The following GMDS variants were observed in gnomAD, a reference collection of about 807,000 sequenced individuals.
The protein encoded by GMDS is GDP-mannose 4,6-dehydratase, also known as GDP-mannose 4,6 dehydratase.
A neutral mutation model predicts 49.9 loss-of-function variants in GMDS; 20 were observed. That is an observed-to-expected ratio of 0.40 (90% CI 0.28 to 0.58). The LOEUF is 0.58. GMDS is among the 20% of genes least tolerant of loss of function. GMDS has a pLI of 0.42. For missense variants in GMDS, 362 were observed against 481.4 expected (o/e 0.75, Z 2.32); for synonymous variants, 177 against 178.6 (o/e 0.99, Z 0.07).
intron 2 of GMDS, among the ~76,000 whole-genome samples, chr6:2,119,670 T>C (rs989329294): frequency 7.2e-5 from 11 of 152,146 alleles, no homozygotes; most frequent in African/African-American, 2.7e-4. Flanking sequence ...TATAAGGATT[T>C]TGGGAGAAAA....
At chr6:1,706,644 C>T (rs868590028) in intron 9 of GMDS, among the ~76,000 whole-genome samples, 2 of 152,218 alleles carry the variant, frequency 1.3e-5, no homozygotes, top group African/African-American at 4.8e-5. Flanking sequence ...TTTGCTGGAA[C>T]GAGGCTGGGA....
chr6:2,171,687 C>T (rs1184580893), intron 1 of GMDS, among the ~76,000 whole-genome samples: 2 of 152,102 alleles, frequency 1.3e-5, no homozygotes, highest in African/African-American at 2.4e-5. Flanking sequence ...ATCCTAAGGA[C>T]TCAGAAATAC....
chr6:1,696,090 A>G (rs1285804850), intron 9 of GMDS, among the ~76,000 whole-genome samples: 1 of 152,108 alleles, frequency 6.6e-6, no homozygotes, highest in East Asian at 1.9e-4. Context: ...AGGAGACAGA[A>G]ACAAAAACAT....
At chr6:1,913,725 C>A (rs1761202540) in intron 7 of GMDS, among the ~76,000 whole-genome samples, 1 of 152,190 alleles carries the variant, frequency 6.6e-6, no homozygotes, top group Non-Finnish European at 1.5e-5. Context: ...CAGAAAACCA[C>A]AGGGGTGGCC....
chr6:1,991,459 C>A (rs1281204019), intron 4 of GMDS, among the ~76,000 whole-genome samples: 1 of 152,182 alleles, frequency 6.6e-6, no homozygotes, highest in African/African-American at 2.4e-5. Flanking sequence ...TTCTTTACCA[C>A]CAGTAACCGC....
chr6:1,801,886 G>C (rs957612475), intron 7 of GMDS, among the ~76,000 whole-genome samples: 1 of 152,148 alleles, frequency 6.6e-6, no homozygotes, highest in Non-Finnish European at 1.5e-5. Flanking sequence ...TGAATTTTGT[G>C]GTTTATTTAT....
intron 4 of GMDS, among the ~76,000 whole-genome samples, chr6:2,050,204 G>T (rs746140130): frequency 6.6e-6 from 1 of 152,100 alleles, no homozygotes; most frequent in African/African-American, 2.4e-5. Context: ...TATCACCACC[G>T]ATCTCACAGA....
At chr6:2,241,088 T>G (rs1412369851) in intron 1 of GMDS, among the ~76,000 whole-genome samples, 1 of 152,088 alleles carries the variant, frequency 6.6e-6, no homozygotes, top group Non-Finnish European at 1.5e-5. Flanking sequence ...GTCTCTCCCA[T>G]CAGAGGCCCA....
At chr6:2,045,831 A>T (rs955776874) in intron 4 of GMDS, among the ~76,000 whole-genome samples, 18 of 152,210 alleles carry the variant, frequency 1.2e-4, no homozygotes, top group Non-Finnish European at 2.4e-4. Flanking sequence ...CCCATTTGTA[A>T]GTAATAACTA....
At chr6:2,159,507 T>C (rs1271042392) in intron 1 of GMDS, among the ~76,000 whole-genome samples, 1 of 147,318 alleles carries the variant, frequency 6.8e-6, no homozygotes, top group Non-Finnish European at 1.5e-5. Flanking sequence ...TCAATATTTC[T>C]TTTTTTCTTT....
chr6:1,741,837 AG>A (rs1361992192), intron 8 of GMDS, among the ~76,000 whole-genome samples: 25 of 144,430 alleles, frequency 1.7e-4, no homozygotes, highest in South Asian at 4.3e-4. Flanking sequence ...AAAAAAAAAA[AG>A]AAGGTGCTTA....
intron 4 of GMDS, among the ~76,000 whole-genome samples, chr6:1,965,472 G>A (rs1171211518): frequency 6.6e-6 from 1 of 152,098 alleles, no homozygotes; most frequent in African/African-American, 2.4e-5. Context: ...CAAATTAAGT[G>A]GTTTCCTTAA....
intron 1 of GMDS, among the ~76,000 whole-genome samples, chr6:2,126,781 G>A (rs527604928): frequency 2.6e-5 from 4 of 152,196 alleles, no homozygotes; most frequent in South Asian, 4.2e-4. Context: ...TTACAGGTGC[G>A]TGCCACCACC....
At chr6:1,742,179 C>T (rs1195226987) in intron 8 of GMDS, among the ~76,000 whole-genome samples, 1 of 151,972 alleles carries the variant, frequency 6.6e-6, no homozygotes, top group East Asian at 1.9e-4. Flanking sequence ...CTCGGCTTCC[C>T]AAAGTGCTGG....
intron 9 of GMDS, among the ~76,000 whole-genome samples, chr6:1,695,907 G>GTTTTTTTTTTTTTTTT (rs11366742): frequency 2.4e-5 from 3 of 124,412 alleles, no homozygotes; most frequent in South Asian, 2.5e-4. Context: ...TTCTGTCTTG[G>GTTTTTTTTTTTTTTTT]TTTTTTTTTT....
At chr6:1,771,878 A>T (rs1178996989) in intron 7 of GMDS, among the ~76,000 whole-genome samples, 2 of 152,240 alleles carry the variant, frequency 1.3e-5, no homozygotes, top group East Asian at 3.8e-4. Flanking sequence ...GGGGAAGAAG[A>T]GAAGAGCTAT....
intron 6 of GMDS, among the ~76,000 whole-genome samples, chr6:1,947,087 T>C (rs1442683502): frequency 6.6e-6 from 1 of 152,194 alleles, no homozygotes; most frequent in Non-Finnish European, 1.5e-5. Context: ...TGAACTTCTT[T>C]TCCTATATTT....
intron 7 of GMDS, among the ~76,000 whole-genome samples, chr6:1,887,998 G>A (rs904347104): frequency 4.6e-5 from 7 of 152,060 alleles, no homozygotes; most frequent in Non-Finnish European, 8.8e-5. Context: ...GCCTAGCCTG[G>A]AGTGTAACGG....
chr6:1,719,360 G>A (rs146635635), intron 9 of GMDS, among the ~76,000 whole-genome samples: 182 of 152,286 alleles, frequency 1.2e-3, no homozygotes, highest in African/African-American at 4.2e-3. Context: ...CAGAGCCCAC[G>A]GTAGATGGGC....
Sources: allele counts gnomAD v4.1 joint callset (sites outside exome capture counted in the v4.1 genomes callset), GRCh38; gene constraint gnomAD v4.1.1; transcripts MANE v1.5; gene names NCBI Gene and HGNC (gene_info 2026-07-23, HGNC 2026-07-21).